The following MEMO1 variants were observed in gnomAD, a reference collection of about 807,000 sequenced individuals.
MEMO1 encodes the protein protein MEMO1.
MEMO1 carries 6 observed loss-of-function variants against 45.2 expected under a neutral mutation model. The observed-to-expected ratio is 0.13, with a 90% CI of 0.07 to 0.26. MEMO1 has a LOEUF of 0.26. Ranked by LOEUF, MEMO1 falls within the 10% of genes least tolerant of loss-of-function variation. MEMO1 has a pLI of 1.00. For synonymous variants in MEMO1, 78 were observed against 124.3 expected, an observed-to-expected ratio of 0.63 and a Z score of 2.48; for missense variants, 184 against 370.5, an observed-to-expected ratio of 0.50 and a Z score of 4.13.
At chr2:31,967,144 G>A (rs1376076566) in intron 2 of MEMO1, among the ~76,000 whole-genome samples, 2 of 140,166 alleles carry the variant, frequency 1.4e-5, no homozygotes, top group Non-Finnish European at 3.0e-5. Context: ...TTTTTTTGGA[G>A]ACGGAGTCTC....
chr2:31,888,229 A>G (rs971183146), intron 7 of MEMO1, among the ~76,000 whole-genome samples: 1 of 152,042 alleles, frequency 6.6e-6, no homozygotes, highest in Non-Finnish European at 1.5e-5. Context: ...TCTCCAGGCT[A>G]GATTCAAGTA....
intron 2 of MEMO1, among the ~76,000 whole-genome samples, chr2:31,950,677 C>G (rs1214900394): frequency 2.0e-5 from 3 of 148,738 alleles, no homozygotes; most frequent in Non-Finnish European, 4.4e-5. Flanking sequence ...GCTGAGATAA[C>G]GACACTGTAC....
intron 6 of MEMO1, among the ~76,000 whole-genome samples, chr2:31,896,139 G>A (rs1426360493): frequency 6.6e-6 from 1 of 151,922 alleles, no homozygotes; most frequent in Non-Finnish European, 1.5e-5. Flanking sequence ...CACCGTGCCT[G>A]GCAAGAAAAA....
chr2:31,994,629 T>TAAA (rs963076418), intron 2 of MEMO1, among the ~76,000 whole-genome samples: 16 of 148,426 alleles, frequency 1.1e-4, no homozygotes, highest in East Asian at 2.0e-4. Context: ...AGACTTTGTC[T>TAAA]AAAAAAAAAA....
At chr2:31,939,145 A>G (rs558881533) in intron 3 of MEMO1, among the ~76,000 whole-genome samples, 1 of 152,206 alleles carries the variant, frequency 6.6e-6, no homozygotes, top group South Asian at 2.1e-4. Context: ...AAAGGAAAAT[A>G]ATTACTTCTG....
rs55682785 is a variant in MEMO1, at chr2:31,872,016, A to AACAC, written c.658-2068_658-2065dup. On this transcript the variant is annotated intron_variant, in intron 8 of 9. Transcript: ENST00000404530. ...GCGACAGAGCAAGACTCTGTCTCAA[A>AACAC]ACACACACACACACACACACACACA... 1.3e-3 allele frequency among the ~76,000 whole-genome samples: 193 copies of AACAC among 143,298 alleles called. 2 individuals carry two copies. The highest frequency in any genetic ancestry group is 3.1e-3 in the African/African-American group (119 of 38,042). The allele number at this position is 143,298 out of a possible 152,430, so 94.0% of individuals were successfully genotyped here.
intron 2 of MEMO1, among the ~76,000 whole-genome samples, chr2:31,993,949 CTTTTTTTTTT>C (rs397800267): frequency 4.1e-5 from 3 of 73,556 alleles, no homozygotes; most frequent in Non-Finnish European, 5.5e-5. Context: ...TCAATACTTT[CTTTTTTTTTT>C]TTTTTTTTTT....
chr2:31,903,277 C>A (rs1452330779), intron 6 of MEMO1, among the ~76,000 whole-genome samples: 2 of 151,932 alleles, frequency 1.3e-5, no homozygotes, highest in Non-Finnish European at 2.9e-5. Flanking sequence ...AGAATTAAAC[C>A]AACTGTAACA....
At chr2:31,894,561 A>G (rs1677457801) in intron 6 of MEMO1, among the ~76,000 whole-genome samples, 1 of 152,056 alleles carries the variant, frequency 6.6e-6, no homozygotes, top group Admixed American at 6.6e-5. Flanking sequence ...TCCACACAAC[A>G]CTGGCTGACT....
At chr2:31,936,017 G>A (rs1219825049) in intron 3 of MEMO1, among the ~76,000 whole-genome samples, 1 of 151,964 alleles carries the variant, frequency 6.6e-6, no homozygotes, top group Non-Finnish European at 1.5e-5. Flanking sequence ...AGGCTGGAGT[G>A]CAGTGGCCAC....
At chr2:31,965,792 G>A (rs926152116) in intron 2 of MEMO1, among the ~76,000 whole-genome samples, 2 of 152,068 alleles carry the variant, frequency 1.3e-5, no homozygotes, top group Non-Finnish European at 2.9e-5. Context: ...GACACAGGGA[G>A]GGGAACAAAC....
chr2:31,954,590 TG>T (rs1572796832), intron 2 of MEMO1, among the ~76,000 whole-genome samples: 1 of 152,276 alleles, frequency 6.6e-6, no homozygotes, highest in African/African-American at 2.4e-5. Flanking sequence ...CCCAGCACTT[TG>T]GGAGGCCGAG....
intron 8 of MEMO1, among the ~76,000 whole-genome samples, chr2:31,873,980 T>G (rs1321763320): frequency 1.3e-5 from 2 of 152,036 alleles, no homozygotes; most frequent in African/African-American, 4.8e-5. Context: ...GAGAAAGAAG[T>G]ATGAGGTGAC....
chr2:31,908,232 C>T (rs780303169), intron 6 of MEMO1, among the ~76,000 whole-genome samples: 1 of 152,076 alleles, frequency 6.6e-6, no homozygotes, highest in Non-Finnish European at 1.5e-5. Flanking sequence ...AACTCCAGTC[C>T]TACCCACACA....
chr2:31,959,256 A>G (rs1236729047), intron 2 of MEMO1, among the ~76,000 whole-genome samples: 1 of 152,204 alleles, frequency 6.6e-6, no homozygotes, highest in Non-Finnish European at 1.5e-5. Flanking sequence ...AAGACAAAAG[A>G]ATGCATAAGA....
chr2:31,956,227 C>A (rs1667396670), intron 2 of MEMO1, among the ~76,000 whole-genome samples: 1 of 151,732 alleles, frequency 6.6e-6, no homozygotes, highest in Non-Finnish European at 1.5e-5. Flanking sequence ...GTACTCAAAT[C>A]CTAAAACAAA....
chr2:31,982,447 G>T (rs776812685), intron 2 of MEMO1, among the ~76,000 whole-genome samples: 56 of 151,470 alleles, frequency 3.7e-4, no homozygotes, highest in Non-Finnish European at 5.7e-4. Context: ...AAAATTAGCT[G>T]GGCATGGAGG....
chr2:31,903,021 TATAA>T (rs1679098572), intron 6 of MEMO1, among the ~76,000 whole-genome samples: 1 of 152,140 alleles, frequency 6.6e-6, no homozygotes, highest in Non-Finnish European at 1.5e-5. Flanking sequence ...ATTTGTGGTA[TATAA>T]ATAATTAAAA....
intron 2 of MEMO1, among the ~76,000 whole-genome samples, chr2:31,954,090 G>C (rs1356366640): frequency 6.6e-6 from 1 of 152,134 alleles, no homozygotes; most frequent in Non-Finnish European, 1.5e-5. Flanking sequence ...CTTCTTGCCA[G>C]CCACAAGTTA....
Sources: allele counts gnomAD v4.1 joint callset (sites outside exome capture counted in the v4.1 genomes callset), GRCh38; gene constraint gnomAD v4.1.1; transcripts MANE v1.5; gene names NCBI Gene and HGNC (gene_info 2026-07-23, HGNC 2026-07-21).